Variants in PPARGC1A observed in about 807,000 individuals in gnomAD.
The protein encoded by PPARGC1A is peroxisome proliferator-activated receptor gamma coactivator 1-alpha.
Under a neutral mutation model 88.7 loss-of-function variants are expected in PPARGC1A, and 25 were observed. The observed-to-expected ratio is 0.28, with a 90% confidence interval of 0.21 to 0.39. The LOEUF (loss-of-function observed/expected upper bound fraction) is 0.39. Ranked by LOEUF, PPARGC1A falls within the 10% of genes least tolerant of loss-of-function variation. The pLI is 1.00. For synonymous variants in PPARGC1A, 363 were observed against 355.6 expected (o/e 1.02, Z -0.24); for missense variants, 880 against 968.7 (o/e 0.91, Z 1.22).
chr4:23,833,422 G>C (rs1031885144), intron 2 of PPARGC1A, among the ~76,000 whole-genome samples: 3 of 152,118 alleles, frequency 2.0e-5, no homozygotes, highest in Non-Finnish European at 4.4e-5. Flanking sequence ...TCTTTTGAAA[G>C]TTCTGTATGC....
intron 4 of PPARGC1A, among the ~76,000 whole-genome samples, chr4:23,828,869 G>A (rs956690043): frequency 7.2e-5 from 11 of 152,016 alleles, no homozygotes; most frequent in African/African-American, 2.7e-4. Flanking sequence ...ACCCTACAGC[G>A]CCTTTATTGT....
At chr4:24,069,063 C>T in the PPARGC1A span, among the ~76,000 whole-genome samples, 70 of 152,278 alleles carry the variant, frequency 4.6e-4, no homozygotes, top group East Asian at 3.5e-3. Flanking sequence ...ATATGTGCCA[C>T]GTTATGTGCA....
At chr4:24,348,787 ACCT>A in the PPARGC1A span, among the ~76,000 whole-genome samples, 1 of 151,600 alleles carries the variant, frequency 6.6e-6, no homozygotes, top group Non-Finnish European at 1.5e-5. Context: ...TAAATAACTA[ACCT>A]CCTAAATTCT....
the PPARGC1A span, among the ~76,000 whole-genome samples, chr4:24,451,060 T>C: frequency 2.6e-5 from 4 of 152,242 alleles, no homozygotes; most frequent in African/African-American, 9.6e-5. Context: ...GTAAAGGAAG[T>C]TAACAAAGCT....
chr4:24,382,658 C>T, the PPARGC1A span, among the ~76,000 whole-genome samples: 1 of 152,206 alleles, frequency 6.6e-6, no homozygotes, highest in African/African-American at 2.4e-5. Flanking sequence ...ATGATACTGA[C>T]AGGTACCTTG....
At chr4:24,350,081 T>TG in the PPARGC1A span, among the ~76,000 whole-genome samples, 3 of 152,142 alleles carry the variant, frequency 2.0e-5, no homozygotes, top group African/African-American at 7.2e-5. Context: ...GCTTCTCCAG[T>TG]GGGGGGTGTG....
chr4:24,083,067 G>C, the PPARGC1A span, among the ~76,000 whole-genome samples: 1 of 152,110 alleles, frequency 6.6e-6, no homozygotes, highest in South Asian at 2.1e-4. Flanking sequence ...GCAGATGAGG[G>C]CACTGGTTAT....
chr4:23,987,748 T>C, the PPARGC1A span, among the ~76,000 whole-genome samples: 1 of 152,038 alleles, frequency 6.6e-6, no homozygotes, highest in Non-Finnish European at 1.5e-5. Flanking sequence ...TATCCATAGC[T>C]CCCAACTCAA....
At chr4:24,367,156 T>C in the PPARGC1A span, among the ~76,000 whole-genome samples, 1 of 152,144 alleles carries the variant, frequency 6.6e-6, no homozygotes, top group African/African-American at 2.4e-5. Context: ...AGTAAGAGCC[T>C]AAAGGTGAGC....
chr4:24,369,988 CA>C, the PPARGC1A span, among the ~76,000 whole-genome samples: 1 of 152,154 alleles, frequency 6.6e-6, no homozygotes, highest in Non-Finnish European at 1.5e-5. Flanking sequence ...GTGATTCCAT[CA>C]AAGAGAAAGG....
At chr4:23,952,880 A>G in the PPARGC1A span, among the ~76,000 whole-genome samples, 11,896 of 152,076 alleles carry the variant, frequency 0.078, 1,562 homozygotes, top group African/African-American at 0.27. Flanking sequence ...CTTTCATTAA[A>G]GTCTACTCAT....
intron 2 of PPARGC1A, among the ~76,000 whole-genome samples, chr4:23,875,310 T>C (rs1714470916): frequency 1.3e-5 from 2 of 152,198 alleles, no homozygotes; most frequent in Non-Finnish European, 2.9e-5. Context: ...TATTAGGTCA[T>C]ATCCCTAGCT....
the PPARGC1A span, chr4:24,091,631 G>T: frequency 1.0e-6 from 1 of 985,310 alleles, no homozygotes; most frequent in Non-Finnish European, 1.2e-6. Flanking sequence ...CAGTCCAGGG[G>T]CAGACTGTCA....
At chr4:23,846,617 T>C (rs1265589199) in intron 2 of PPARGC1A, among the ~76,000 whole-genome samples, 1 of 152,194 alleles carries the variant, frequency 6.6e-6, no homozygotes, top group Non-Finnish European at 1.5e-5. Context: ...TCATGATCTG[T>C]GCATCAAAAT....
At chr4:24,089,480 T>TTTTTC in the PPARGC1A span, among the ~76,000 whole-genome samples, 2,059 of 128,764 alleles carry the variant, frequency 0.016, 37 homozygotes, top group East Asian at 0.035. Flanking sequence ...CTAGGATGCC[T>TTTTTC]TTTTCTTTTC....
the PPARGC1A span, among the ~76,000 whole-genome samples, chr4:24,440,289 A>G: frequency 6.6e-6 from 1 of 152,212 alleles, no homozygotes; most frequent in Non-Finnish European, 1.5e-5. Flanking sequence ...TCTGGCACAT[A>G]GTAGGTCCTC....
At chr4:24,242,229 G>C in the PPARGC1A span, among the ~76,000 whole-genome samples, 1 of 152,042 alleles carries the variant, frequency 6.6e-6, no homozygotes, top group Admixed American at 6.5e-5. Flanking sequence ...CCCACTCAAG[G>C]CTCCCTTCAG....
the PPARGC1A span, among the ~76,000 whole-genome samples, chr4:24,266,755 C>T: frequency 2.0e-5 from 3 of 151,980 alleles, no homozygotes; most frequent in Non-Finnish European, 1.5e-5. Context: ...ACAACAGATG[C>T]GGAGGGAGCG....
At chr4:24,277,238 A>T in the PPARGC1A span, among the ~76,000 whole-genome samples, 26 of 152,046 alleles carry the variant, frequency 1.7e-4, no homozygotes, top group Non-Finnish European at 3.5e-4. Flanking sequence ...ACTACCATGT[A>T]CAGCTAATTT....
Sources: allele counts gnomAD v4.1 joint callset (sites outside exome capture counted in the v4.1 genomes callset), GRCh38; gene constraint gnomAD v4.1.1; transcripts MANE v1.5; gene names NCBI Gene and HGNC (gene_info 2026-07-23, HGNC 2026-07-21).